Variants in ZBTB20 observed in about 807,000 individuals in gnomAD.
ZBTB20 encodes the protein zinc finger and BTB domain containing 20.
Under a neutral mutation model 56.9 loss-of-function variants are expected in ZBTB20, and 9 were observed. The observed-to-expected ratio is 0.16, with a 90% confidence interval of 0.10 to 0.28. The LOEUF (loss-of-function observed/expected upper bound fraction) is 0.28, where lower values mean the gene tolerates loss of function less well. Among genes scored for constraint, ZBTB20 ranks in the 10% least tolerant of loss-of-function variants. ZBTB20 has a pLI of 1.00. For synonymous variants in ZBTB20, 417 were observed against 420.7 expected, an observed-to-expected ratio of 0.99 and a Z score of 0.11; for missense variants, 655 against 1,003.0, an observed-to-expected ratio of 0.65 and a Z score of 4.69.
At chr3:114,871,666 A>T (rs1163882614) in intron 4 of ZBTB20, among the ~76,000 whole-genome samples, 1 of 152,156 alleles carries the variant, frequency 6.6e-6, no homozygotes, top group Non-Finnish European at 1.5e-5. Flanking sequence ...TAAGGTCACA[A>T]ATCAAGTGTG....
chr3:115,116,586 G>C (rs1038172184), intron 1 of ZBTB20, among the ~76,000 whole-genome samples: 3 of 151,910 alleles, frequency 2.0e-5, no homozygotes, highest in Non-Finnish European at 4.4e-5. Flanking sequence ...TAACATTTTT[G>C]TGAACATACA....
chr3:114,634,284 T>G (rs1249981545), intron 6 of ZBTB20, among the ~76,000 whole-genome samples: 1 of 152,176 alleles, frequency 6.6e-6, no homozygotes. Flanking sequence ...GACATTCTTC[T>G]GTCAAAATAA....
At chr3:114,625,886 G>A (rs2058633889) in intron 6 of ZBTB20, among the ~76,000 whole-genome samples, 1 of 152,126 alleles carries the variant, frequency 6.6e-6, no homozygotes, top group Non-Finnish European at 1.5e-5. Flanking sequence ...TTCAGAGGAG[G>A]CAAATTGCTC....
intron 3 of ZBTB20, among the ~76,000 whole-genome samples, chr3:114,945,874 C>T (rs1208128895): frequency 6.9e-6 from 1 of 144,590 alleles, no homozygotes; most frequent in East Asian, 1.9e-4. Context: ...GAAAAGAAGG[C>T]TAATATCACT....
In ZBTB20 at chr3:114,326,885, A is replaced by G. The variant is rs2079081725; in HGVS notation, c.*12120T>C. The G allele has an allele frequency of 6.6e-6, 1 of 152,146 alleles. No individual in the cohort carries two copies. Among genetic ancestry groups the G allele is most frequent in the African/African-American group, 2.4e-5 (1 of 41,422 alleles). The allele number at this position is 152,146 out of a possible 1,614,324, so 9.4% of individuals were successfully genotyped here. A position where few individuals can be genotyped will look rare whatever the true frequency, so the allele number is the denominator to read the frequency against. On this transcript the variant is annotated 3_prime_UTR_variant, in exon 12 of 12. Coordinates refer to ENST00000675478, the MANE Select transcript of ZBTB20 (RefSeq NM_001348800.3). Reference sequence around the variant, plus strand: ...TCAATCTCAGAACATTTCCTAAGCTATATTTGTAAATTCTAGAGCTACATA... The same window carrying G: ...TCAATCTCAGAACATTTCCTAAGCTGTATTTGTAAATTCTAGAGCTACATA...
At chr3:114,396,269 A>AT (rs1423468647) in intron 7 of ZBTB20, among the ~76,000 whole-genome samples, 1 of 152,142 alleles carries the variant, frequency 6.6e-6, no homozygotes, top group Admixed American at 6.5e-5. Context: ...TGAATTAACC[A>AT]TTATAGTTTG....
At chr3:114,544,655 C>T (rs1342695345) in intron 6 of ZBTB20, among the ~76,000 whole-genome samples, 3 of 152,004 alleles carry the variant, frequency 2.0e-5, no homozygotes, top group Non-Finnish European at 4.4e-5. Context: ...AGGCACATGC[C>T]ATCACTCCTG....
intron 7 of ZBTB20, among the ~76,000 whole-genome samples, chr3:114,475,988 T>C (rs868767844): frequency 1.8e-4 from 27 of 152,130 alleles, no homozygotes; most frequent in African/African-American, 5.8e-4. Context: ...TAGAGAAATA[T>C]TAATTTTTCC....
intron 6 of ZBTB20, among the ~76,000 whole-genome samples, chr3:114,663,571 C>T (rs1304252394): frequency 1.3e-5 from 2 of 151,462 alleles, no homozygotes; most frequent in African/African-American, 4.9e-5. Context: ...ACTAAATTCT[C>T]CAATTAAAAG....
intron 1 of ZBTB20, among the ~76,000 whole-genome samples, chr3:115,101,362 T>A (rs980727586): frequency 1.2e-4 from 18 of 152,188 alleles, no homozygotes; most frequent in Admixed American, 3.3e-4. Context: ...TTTTTCTATA[T>A]TCTAGTTCCA....
At chr3:114,742,460 G>T (rs1438855794) in intron 5 of ZBTB20, among the ~76,000 whole-genome samples, 2 of 152,104 alleles carry the variant, frequency 1.3e-5, no homozygotes, top group Non-Finnish European at 2.9e-5. Flanking sequence ...CATTATAATA[G>T]CAACAGCAGC....
At chr3:114,378,491 T>G (rs1232792328) in intron 10 of ZBTB20, among the ~76,000 whole-genome samples, 1 of 152,246 alleles carries the variant, frequency 6.6e-6, no homozygotes, top group African/African-American at 2.4e-5. Context: ...TCCTGAAACT[T>G]ACTTCATGCC....
intron 4 of ZBTB20, among the ~76,000 whole-genome samples, chr3:114,858,908 A>G: frequency 6.6e-6 from 1 of 152,174 alleles, no homozygotes; most frequent in Admixed American, 6.5e-5. Flanking sequence ...AAGTACTATT[A>G]ACTACATATT....
intron 4 of ZBTB20, among the ~76,000 whole-genome samples, chr3:114,899,837 T>G (rs574073683): frequency 6.6e-6 from 1 of 152,240 alleles, no homozygotes; most frequent in East Asian, 1.9e-4. Context: ...CAAACATTTT[T>G]TTTTCCCATT....
intron 3 of ZBTB20, among the ~76,000 whole-genome samples, chr3:114,930,318 T>C (rs1275037465): frequency 6.6e-6 from 1 of 152,090 alleles, no homozygotes; most frequent in African/African-American, 2.4e-5. Context: ...TCTTACTTTA[T>C]AAAGGAGAAA....
chr3:114,889,544 T>C (rs970383664), intron 4 of ZBTB20, among the ~76,000 whole-genome samples: 1 of 152,076 alleles, frequency 6.6e-6, no homozygotes, highest in Non-Finnish European at 1.5e-5. Context: ...AGAAAGTGAA[T>C]ACATTTGTGT....
chr3:114,804,760 A>C (rs1025318261), intron 4 of ZBTB20, among the ~76,000 whole-genome samples: 1 of 151,830 alleles, frequency 6.6e-6, no homozygotes, highest in Non-Finnish European at 1.5e-5. Context: ...TTTTTCTTCC[A>C]CCAGAGCATC....
rs144685290 is a variant in ZBTB20, at chr3:114,666,578, C to G, written c.-295+26950G>C. Among the ~76,000 whole-genome samples the G allele has an allele frequency of 3.9e-5, 6 of 152,116 alleles. No individual in the cohort carries two copies. In the East Asian group the frequency reaches 1.2e-3, roughly 29 times the overall value. Reference sequence around the variant, plus strand: ...TATTTGAAAATCATGGTTCAGTTATCAGGAATTCCAAATTCAGAATCTAAG... The same window carrying G: ...TATTTGAAAATCATGGTTCAGTTATGAGGAATTCCAAATTCAGAATCTAAG... On this transcript the variant is annotated intron_variant, in intron 6 of 11. Transcript: ENST00000675478.
intron 3 of ZBTB20, among the ~76,000 whole-genome samples, chr3:114,914,572 T>C (rs1267452973): frequency 6.6e-6 from 1 of 152,012 alleles, no homozygotes; most frequent in Non-Finnish European, 1.5e-5. Context: ...TCTTCTCTAA[T>C]TGTACTACTA....
Sources: gnomAD v4.1 joint callset for allele counts (sites outside exome capture counted in the v4.1 genomes callset) on GRCh38, gnomAD v4.1.1 for gene constraint, MANE v1.5 for transcripts, NCBI Gene and HGNC (gene_info 2026-07-23, HGNC 2026-07-21) for gene names.